WWC2: variants seen among roughly 807,000 people sequenced by gnomAD.
The protein encoded by WWC2 is WW and C2 domain containing 2, also known as protein WWC2.
Under a neutral mutation model 138.5 loss-of-function variants are expected in WWC2, and 101 were observed. The observed-to-expected ratio is 0.73, with a 90% CI of 0.62 to 0.86. The LOEUF (loss-of-function observed/expected upper bound fraction) is 0.86, where lower values mean the gene tolerates loss of function less well. Among genes scored for constraint, WWC2 ranks in the 40% least tolerant of loss-of-function variants. The pLI, the probability that WWC2 is intolerant of heterozygous loss-of-function variation, is 0.00. For missense variants in WWC2, 1,420 were observed against 1,419.4 expected (o/e 1.00, Z -0.01); for synonymous variants, 558 against 538.4 (o/e 1.04, Z -0.50).
chr4:183,163,397 T>G (rs575882490), intron 1 of WWC2, among the ~76,000 whole-genome samples: 1 of 152,218 alleles, frequency 6.6e-6, no homozygotes, highest in Admixed American at 6.5e-5. Context: ...CCAGAGCCCA[T>G]AGCCACAGGG....
intron 1 of WWC2, among the ~76,000 whole-genome samples, chr4:183,103,808 G>A (rs1484085664): frequency 6.8e-6 from 1 of 147,120 alleles, no homozygotes; most frequent in Admixed American, 6.8e-5. Flanking sequence ...TAATTTTTTT[G>A]TATTTTTGGT....
intron 2 of WWC2, among the ~76,000 whole-genome samples, chr4:183,206,516 A>G (rs112436810): frequency 1.3e-5 from 2 of 152,258 alleles, no homozygotes; most frequent in Admixed American, 6.5e-5. Context: ...ACTGAATACT[A>G]CACACAGAAA....
At chr4:183,311,997 C>A (rs567979398) in intron 21 of WWC2, among the ~76,000 whole-genome samples, 6 of 152,254 alleles carry the variant, frequency 3.9e-5, no homozygotes, top group Admixed American at 3.9e-4. Context: ...CCAAAACATT[C>A]TTTAACTGTA....
chr4:183,269,153 A>G lies in WWC2; in HGVS notation c.2390A>G (p.Glu797Gly). The G allele has an allele frequency of 6.2e-7, 1 of 1,609,476 alleles. No homozygotes were observed. The highest frequency in any genetic ancestry group is 8.5e-7 in the Non-Finnish European group (1 of 1,178,770). The stretch of plus-strand genomic sequence containing the variant: ...TGCTCTGTCAGTAAACACCGAAGGG[A>G]AGAATGCCTGGTAGGATTCTTCATA... ...DLCSVSKHRR[E>G]ECLAGTQISL... The change falls in exon 15 of 23, where the codon GAA (glutamate) becomes GGA (glycine). Residue 797 changes from glutamate (E) to glycine (G), a missense_variant. Coordinates refer to ENST00000403733, the MANE Select transcript of WWC2 (RefSeq NM_024949.6).
At chr4:183,300,119 A>G (rs1421678058) in intron 21 of WWC2, among the ~76,000 whole-genome samples, 2 of 152,206 alleles carry the variant, frequency 1.3e-5, no homozygotes, top group Non-Finnish European at 2.9e-5. Flanking sequence ...TAGGCTTCTT[A>G]ACACAACTAT....
chr4:183,165,040 T>C (rs1734093563), intron 1 of WWC2, among the ~76,000 whole-genome samples: 1 of 152,226 alleles, frequency 6.6e-6, no homozygotes, highest in South Asian at 2.1e-4. Flanking sequence ...TCATTACCTC[T>C]AGCATAACAC....
Position 183,253,966 on chromosome 4 carries a change from T to C in WWC2, c.1163T>C (p.Val388Ala), listed in dbSNP as rs761930506. The change falls in exon 9 of 23, where the codon GTG becomes GCG. Residue 388 changes from valine (V) to alanine (A), a missense_variant. Coordinates refer to ENST00000403733, the MANE Select transcript of WWC2 (RefSeq NM_024949.6). ...RQRLEEELLSVRGTPSRALAE... is the reference protein window; with the variant it reads ...RQRLEEELLSARGTPSRALAE... Reference sequence around the variant, plus strand: ...CGGCTGGAAGAAGAGTTGCTGTCTGTGAGGGGAACACCAAGCAGAGCTCTG... The same window carrying C: ...CGGCTGGAAGAAGAGTTGCTGTCTGCGAGGGGAACACCAAGCAGAGCTCTG... 12 of 1,613,796 alleles carry C rather than the reference T, an allele frequency of 7.4e-6. No homozygotes were observed. The highest frequency in any genetic ancestry group is 1.1e-5 in the South Asian group (1 of 91,044).
At chr4:183,153,108 T>G (rs1289649205) in intron 1 of WWC2, among the ~76,000 whole-genome samples, 1 of 152,156 alleles carries the variant, frequency 6.6e-6, no homozygotes, top group Non-Finnish European at 1.5e-5. Context: ...TTTCTTTATG[T>G]TGCCTAAGCT....
intron 1 of WWC2, among the ~76,000 whole-genome samples, chr4:183,168,451 G>C (rs761853913): frequency 3.9e-5 from 6 of 152,144 alleles, no homozygotes; most frequent in Non-Finnish European, 7.4e-5. Flanking sequence ...TATAGAAGAA[G>C]AAAATTGGCA....
rs373101281 is a variant in WWC2 at position 183,105,703 on chromosome 4, A to T, written c.131+6081A>T. Among the ~76,000 whole-genome samples, 37 of 152,254 alleles carry T rather than the reference A, an allele frequency of 2.4e-4. No individual in the cohort carries two copies. In the South Asian group the frequency reaches 7.7e-3, roughly 32 times the overall value. ...CAGGAGATGCAGACCATCCTGGCTA[A>T]CACAGTGAAACCCTGTCTCTACTAA... On this transcript the variant is annotated intron_variant, in intron 1 of 22. Coordinates refer to ENST00000403733, the MANE Select transcript of WWC2 (RefSeq NM_024949.6).
chr4:183,135,910 T>A (rs2111083585), intron 1 of WWC2, among the ~76,000 whole-genome samples: 1 of 152,314 alleles, frequency 6.6e-6, no homozygotes, highest in African/African-American at 2.4e-5. Flanking sequence ...TTTGGTTTTT[T>A]AAAATCAGCT....
intron 1 of WWC2, among the ~76,000 whole-genome samples, chr4:183,122,388 G>T (rs556716280): frequency 1.3e-4 from 20 of 152,108 alleles, no homozygotes; most frequent in Admixed American, 3.9e-4. Context: ...AGGTGGATGG[G>T]TATCTGTATT....
intron 1 of WWC2, among the ~76,000 whole-genome samples, chr4:183,153,801 ACG>A (rs2111122897): frequency 6.6e-6 from 1 of 151,666 alleles, no homozygotes; most frequent in Non-Finnish European, 1.5e-5. Flanking sequence ...GTGTGCCATC[ACG>A]CCCAGCTAAT....
At chr4:183,216,155 TG>T (rs1310104077) in intron 4 of WWC2, among the ~76,000 whole-genome samples, 1 of 152,200 alleles carries the variant, frequency 6.6e-6, no homozygotes, top group Non-Finnish European at 1.5e-5. Context: ...AACAACCTCC[TG>T]ATGCCATGAC....
chr4:183,176,306 T>C (rs796246777), intron 1 of WWC2, among the ~76,000 whole-genome samples: 51 of 152,310 alleles, frequency 3.3e-4, no homozygotes, highest in African/African-American at 1.1e-3. Flanking sequence ...CTTAGGAACG[T>C]TTCTTAGTTT....
intron 1 of WWC2, among the ~76,000 whole-genome samples, chr4:183,112,365 C>T (rs1732262859): frequency 6.6e-6 from 1 of 152,212 alleles, no homozygotes; most frequent in Non-Finnish European, 1.5e-5. Flanking sequence ...GTGTGTGCCC[C>T]TTCATGCTCT....
At chr4:183,293,996 T>C (rs1419929671) in intron 21 of WWC2, among the ~76,000 whole-genome samples, 3 of 152,076 alleles carry the variant, frequency 2.0e-5, no homozygotes, top group African/African-American at 7.2e-5. Flanking sequence ...ATATTAAATA[T>C]TATATCAAAT....
chr4:183,211,019 A>G (rs1297714477), intron 4 of WWC2, among the ~76,000 whole-genome samples: 1 of 152,226 alleles, frequency 6.6e-6, no homozygotes, highest in Non-Finnish European at 1.5e-5. Context: ...TTTTGCCTAC[A>G]TCTCACAAGT....
At chr4:183,247,643 A>G (rs1200824904) in intron 6 of WWC2, among the ~76,000 whole-genome samples, 2 of 139,086 alleles carry the variant, frequency 1.4e-5, no homozygotes, top group African/African-American at 5.3e-5. Flanking sequence ...TATATACTAT[A>G]TATACTATAT....
Sources: gnomAD v4.1 joint callset for allele counts (sites outside exome capture counted in the v4.1 genomes callset) on GRCh38, gnomAD v4.1.1 for gene constraint, MANE v1.5 for transcripts, NCBI Gene and HGNC (gene_info 2026-07-23, HGNC 2026-07-21) for gene names.